SNTB1: variants seen among roughly 807,000 people sequenced by gnomAD.
SNTB1 encodes beta-1-syntrophin.
Under a neutral mutation model 48.9 loss-of-function variants are expected in SNTB1, and 36 were observed. The ratio of observed to expected loss-of-function variants is 0.74; its 90% confidence interval spans 0.56 to 0.97. The LOEUF is 0.97. Ranked by LOEUF, SNTB1 falls within the 50% of genes least tolerant of loss-of-function variation. The probability of loss-of-function intolerance (pLI) is 0.00; values close to 1 mark genes in which losing one functional copy is unlikely to be tolerated. For missense variants in SNTB1, 786 were observed against 703.4 expected, an observed-to-expected ratio of 1.12 and a Z score of -1.33; for synonymous variants, 299 against 294.6, an observed-to-expected ratio of 1.01 and a Z score of -0.15.
intron 1 of SNTB1, among the ~76,000 whole-genome samples, chr8:120,717,887 T>C (rs566551996): frequency 1.3e-5 from 2 of 152,278 alleles, no homozygotes; most frequent in East Asian, 3.9e-4. Context: ...AAAAGAGCCA[T>C]ACAGTAGTGC....
intron 1 of SNTB1, among the ~76,000 whole-genome samples, chr8:120,729,055 C>T (rs1563582433): frequency 6.6e-6 from 1 of 151,984 alleles, no homozygotes; most frequent in African/African-American, 2.4e-5. Flanking sequence ...TCTTGCCTCA[C>T]TGCAACTCTG....
At chr8:120,727,304 T>C (rs1230140686) in intron 1 of SNTB1, among the ~76,000 whole-genome samples, 2 of 152,152 alleles carry the variant, frequency 1.3e-5, no homozygotes, top group Non-Finnish European at 1.5e-5. Flanking sequence ...CCAAGGGTTA[T>C]GTCTACAGAG....
At position 120,811,997 on chromosome 8, in the gene SNTB1, C is replaced by A. The variant is rs2130204947; in HGVS notation, c.-154G>T. ...GGACTCCGCTCCGGGAGTTCGCAGA[C>A]GCACTCGGCGGGAGTTGGCAGCTGC... On this transcript the variant is annotated 5_prime_UTR_variant, in exon 1 of 7. Transcript: ENST00000517992. 2 of 1,267,454 alleles carry A rather than the reference C, an allele frequency of 1.6e-6. No homozygotes were observed. Among genetic ancestry groups the A allele is most frequent in the South Asian group, 3.0e-5 (1 of 33,738 alleles). The allele number at this position is 1,267,454 out of a possible 1,614,324, so 78.5% of individuals were successfully genotyped here. A position where few individuals can be genotyped will look rare whatever the true frequency, so the allele number is the denominator to read the frequency against.
At chr8:120,564,961 C>G (rs1815726529) in intron 4 of SNTB1, among the ~76,000 whole-genome samples, 2 of 152,184 alleles carry the variant, frequency 1.3e-5, no homozygotes, top group Non-Finnish European at 1.5e-5. Flanking sequence ...GGCAAAACTG[C>G]AGTGTGCACC....
At chr8:120,740,310 G>A (rs73710014) in intron 1 of SNTB1, among the ~76,000 whole-genome samples, 3,864 of 152,142 alleles carry the variant, frequency 0.025, 155 homozygotes, top group African/African-American at 0.087. Flanking sequence ...CATCACCTTG[G>A]CATCTTTCGT....
At chr8:120,688,383 C>T (rs144686569) in intron 2 of SNTB1, among the ~76,000 whole-genome samples, 5 of 152,208 alleles carry the variant, frequency 3.3e-5, no homozygotes, top group African/African-American at 1.2e-4. Context: ...TTTCAAAAGA[C>T]ATTTTTAGAG....
chr8:120,549,916 TTTACAATTTAC>T (rs1367575942), intron 4 of SNTB1, among the ~76,000 whole-genome samples: 1 of 152,200 alleles, frequency 6.6e-6, no homozygotes, highest in Non-Finnish European at 1.5e-5. Context: ...AAAGCAACAC[TTTACAATTTAC>T]TAGAGAAATG....
At chr8:120,627,691 T>G (rs185859014) in intron 3 of SNTB1, among the ~76,000 whole-genome samples, 1 of 152,294 alleles carries the variant, frequency 6.6e-6, no homozygotes, top group African/African-American at 2.4e-5. Flanking sequence ...TTTTCATAAT[T>G]TTAAAGGATT....
intron 4 of SNTB1, among the ~76,000 whole-genome samples, chr8:120,559,235 A>C (rs976112315): frequency 6.6e-6 from 1 of 152,188 alleles, no homozygotes; most frequent in South Asian, 2.1e-4. Context: ...CTTCTTTTGA[A>C]TCTATCTTTA....
chr8:120,757,896 T>C (rs12334676), intron 1 of SNTB1, among the ~76,000 whole-genome samples: 18,743 of 152,138 alleles, frequency 0.12, 3,823 homozygotes, highest in African/African-American at 0.42. Context: ...GCCATGTTTT[T>C]CGCTAAGTGG....
chr8:120,683,008 A>G (rs1817961570), intron 2 of SNTB1, among the ~76,000 whole-genome samples: 1 of 150,324 alleles, frequency 6.7e-6, no homozygotes, highest in African/African-American at 2.5e-5. Context: ...CAGCCTCCCG[A>G]GTAGCTGGGA....
intron 1 of SNTB1, among the ~76,000 whole-genome samples, chr8:120,763,484 A>T (rs1819459886): frequency 1.3e-5 from 2 of 152,204 alleles, no homozygotes; most frequent in Admixed American, 1.3e-4. Context: ...CTAGGAAAAA[A>T]TTGACCTATT....
chr8:120,778,398 A>C (rs527846017), intron 1 of SNTB1, among the ~76,000 whole-genome samples: 1 of 152,222 alleles, frequency 6.6e-6, no homozygotes, highest in Non-Finnish European at 1.5e-5. Context: ...TGGAAACTTC[A>C]GATGCATTTA....
intron 4 of SNTB1, among the ~76,000 whole-genome samples, chr8:120,572,763 A>AC (rs1815879119): frequency 6.6e-6 from 1 of 151,582 alleles, no homozygotes; most frequent in Admixed American, 6.6e-5. Context: ...AAACAAACAA[A>AC]AATTAGCCGG....
intron 1 of SNTB1, among the ~76,000 whole-genome samples, chr8:120,732,392 A>C (rs1818867952): frequency 1.3e-5 from 2 of 152,364 alleles, no homozygotes; most frequent in Admixed American, 1.3e-4. Flanking sequence ...ATGTTTAACC[A>C]GAAAAGCAGA....
intron 2 of SNTB1, among the ~76,000 whole-genome samples, chr8:120,646,875 C>A (rs1817306579): frequency 6.6e-6 from 1 of 151,970 alleles, no homozygotes; most frequent in Non-Finnish European, 1.5e-5. Flanking sequence ...GATTCAACTT[C>A]TTCCTGGTTT....
intron 5 of SNTB1, among the ~76,000 whole-genome samples, chr8:120,544,790 C>CTTTGTTTTTTTTTTTTTTTTT (rs773914231): frequency 8.8e-6 from 1 of 114,170 alleles, no homozygotes; most frequent in African/African-American, 3.4e-5. Context: ...AAATTCAAAA[C>CTTTGTTTTTTTTTTTTTTTTT]TTTTTTTTTT....
At chr8:120,731,217 A>G (rs1329364873) in intron 1 of SNTB1, among the ~76,000 whole-genome samples, 1 of 152,240 alleles carries the variant, frequency 6.6e-6, no homozygotes, top group African/African-American at 2.4e-5. Flanking sequence ...CTGCCGTTTT[A>G]TAAATCCAAG....
chr8:120,687,077 A>T (rs1818047461), intron 2 of SNTB1, among the ~76,000 whole-genome samples: 1 of 152,238 alleles, frequency 6.6e-6, no homozygotes, highest in Admixed American at 6.5e-5. Context: ...AAATGTTTCA[A>T]TAGTATTCAA....
Sources: allele counts gnomAD v4.1 joint callset (sites outside exome capture counted in the v4.1 genomes callset), GRCh38; gene constraint gnomAD v4.1.1; transcripts MANE v1.5; gene names NCBI Gene and HGNC (gene_info 2026-07-23, HGNC 2026-07-21).